The following GPSM1 variants were observed in gnomAD, a reference collection of about 807,000 sequenced individuals.
GPSM1 encodes G protein signaling modulator 1.
A neutral mutation model predicts 70.5 loss-of-function variants in GPSM1; 48 were observed. The observed-to-expected ratio is 0.68, with a 90% CI of 0.54 to 0.87. The LOEUF (loss-of-function observed/expected upper bound fraction) is 0.87. Ranked by LOEUF, GPSM1 falls within the 40% of genes least tolerant of loss-of-function variation. GPSM1 has a pLI of 0.00. For missense variants in GPSM1, 981 were observed against 972.6 expected (o/e 1.01, Z -0.11); for synonymous variants, 416 against 430.1 (o/e 0.97, Z 0.41).
In GPSM1 at chr9:136,339,715, A is replaced by G; in HGVS notation, c.983A>G (p.Glu328Gly). The change falls in exon 8 of 14, where the codon GAG becomes GGG. Residue 328 changes from glutamate (E) to glycine (G), a missense_variant. Glu to Gly is a moderately conservative substitution (Grantham distance 98). Transcript: ENST00000440944. ...IAQELADRVGEGRACWSLGNA... is the reference protein window; with the variant it reads ...IAQELADRVGGGRACWSLGNA... ...GTCTCCCTCTCTGGCAGAGTGGGCG[A>G]GGGCCGGGCGTGCTGGAGCCTGGGA... 6.5e-7 allele frequency: 1 copy of G among 1,549,254 alleles called. No individual in the cohort carries two copies. Among genetic ancestry groups the G allele is most frequent in the East Asian group, 2.4e-5 (1 of 40,956 alleles).
intron 2 of GPSM1, 132 bp from the exon 3 acceptor site, chr9:136,335,833 AG>A: frequency 1.1e-6 from 1 of 899,700 alleles, no homozygotes; most frequent in Non-Finnish European, 1.7e-6. Flanking sequence ...GTATCACCTC[AG>A]GGGTTGCAGG....
chr9:136,349,841 A>G (rs1216660501), intron 11 of GPSM1, 78 bp downstream of exon 11: 5 of 1,390,630 alleles, frequency 3.6e-6, no homozygotes, highest in Non-Finnish European at 4.8e-6. Context: ...CTGCCAGCCA[A>G]CGGGGCCAGG....
chr9:136,340,948 C>G lies in GPSM1; in HGVS notation c.1162C>G (p.Pro388Ala), dbSNP rs995874760. 1 of 1,564,056 alleles carries G rather than the reference C, an allele frequency of 6.4e-7. No homozygotes were observed. Among genetic ancestry groups the G allele is most frequent in the African/African-American group, 1.4e-5 (1 of 73,852 alleles). ...LQLVLGRLTSPAASEKPDLAG... is the reference protein window; with the variant it reads ...LQLVLGRLTSAAASEKPDLAG... ...GCTGGTGCTCGGCCGCCTGACCAGCCCGGCAGCCTCAGAGAAGCCTGACCT... is the reference window on the plus strand; with the variant it reads ...GCTGGTGCTCGGCCGCCTGACCAGCGCGGCAGCCTCAGAGAAGCCTGACCT... The change falls in exon 9 of 14, where the codon CCG (proline) becomes GCG (alanine). Residue 388 changes from proline to alanine, a missense_variant. Pro to Ala is a conservative substitution (Grantham distance 27). Coordinates refer to ENST00000440944, the MANE Select transcript of GPSM1 (RefSeq NM_001145638.3). This position sits in a 1 kb window ranked among gnomAD's most constrained non-coding sequence, Gnocchi z 7.3.
At chr9:136,357,543 A>C (rs540638426) in intron 13 of GPSM1, among the ~76,000 whole-genome samples, 1 of 152,222 alleles carries the variant, frequency 6.6e-6, no homozygotes, top group East Asian at 1.9e-4. Context: ...CACCTGACAC[A>C]AGGGGAAGCC....
rs374292241 is a variant in GPSM1, at chr9:136,338,657, C to T, written c.921C>T (p.Arg307=). The T allele has an allele frequency of 1.0e-5, 16 of 1,588,084 alleles. No individual in the cohort carries two copies. The highest frequency in any genetic ancestry group is 9.1e-5 in the East Asian group (4 of 43,896). The part of the protein sequence containing the change: ...NTYTLLQDYE[R]AAEYHLRHLL... ...ACACGCTGCTGCAGGACTACGAGCG[C>T]GCGGCCGAGTACCACCTGCGGCACC... The change falls in exon 7 of 14, where the codon CGC becomes CGT. Residue 307 remains arginine (R), a synonymous_variant. Coordinates refer to ENST00000440944, the MANE Select transcript of GPSM1 (RefSeq NM_001145638.3).
chr9:136,334,716 G>C (rs782522760), intron 2 of GPSM1, 48 bp downstream of exon 2: 5 of 1,507,622 alleles, frequency 3.3e-6, no homozygotes, highest in Middle Eastern at 2.3e-4. Flanking sequence ...GGCCCTGCTG[G>C]CGCGGTGAGT....
chr9:136,334,525 C>T lies in GPSM1; in HGVS notation c.147C>T (p.Ala49=), dbSNP rs1420160423. ...CKAGDFKTGV[A]FFEAAVQVGT... ...CGGGCGACTTCAAGACAGGCGTGGC[C>T]TTCTTTGAGGCTGCTGTGCAGGTGG... Residue 49 remains alanine (A), a synonymous_variant, in exon 2 of 14, where the codon GCC becomes GCT. Coordinates refer to ENST00000440944, the MANE Select transcript of GPSM1 (RefSeq NM_001145638.3). 12 of 1,613,260 alleles carry T rather than the reference C, an allele frequency of 7.4e-6. 1 individual carries two copies. The Admixed American group carries it at 1.8e-4, about 25-fold the overall frequency.
intron 7 of GPSM1, among the ~76,000 whole-genome samples, 188 bp from the exon 8 acceptor site, chr9:136,339,519 T>C (rs141083059): frequency 2.1e-3 from 321 of 152,334 alleles, no homozygotes; most frequent in South Asian, 0.016. Context: ...TGCTTGAAGG[T>C]GGCAGAATTT....
chr9:136,339,868 C>T lies in GPSM1; in HGVS notation c.1083+53C>T, dbSNP rs782810238. 3.7e-5 allele frequency: 41 copies of T among 1,119,052 alleles called. 1 individual carries two copies. Among genetic ancestry groups the T allele is most frequent in the South Asian group, 2.2e-4 (17 of 76,052 alleles). The allele number at this position is 1,119,052 out of a possible 1,614,324, so 69.3% of individuals were successfully genotyped here. ...CGGGCACTGCCCAGCCCACTCCAGA[C>T]GGGCCGGGTCCCCTCTGCCCCGAGC... On this transcript the variant is annotated intron_variant, in intron 8 of 13. Transcript: ENST00000440944.
chr9:136,338,309 G>A (rs933713680), intron 6 of GPSM1, among the ~76,000 whole-genome samples: 13 of 152,326 alleles, frequency 8.5e-5, no homozygotes, highest in African/African-American at 2.4e-4. Context: ...CAGGTCCTCC[G>A]GGGAGGAGTG....
intron 13 of GPSM1, 107 bp downstream of exon 13, chr9:136,356,657 C>A: frequency 1.3e-6 from 1 of 793,732 alleles, no homozygotes; most frequent in Non-Finnish European, 2.0e-6. Context: ...TCTGCCATCT[C>A]CGGTCATGTT....
At chr9:136,345,486 G>A (rs1248289690) in intron 9 of GPSM1, among the ~76,000 whole-genome samples, 3 of 152,214 alleles carry the variant, frequency 2.0e-5, no homozygotes, top group African/African-American at 7.2e-5. Context: ...CCATGAGGGC[G>A]CCCGCCCTGG....
intron 3 of GPSM1, 45 bp from the exon 4 acceptor site, chr9:136,336,876 G>A: frequency 6.6e-7 from 1 of 1,522,506 alleles, no homozygotes. Flanking sequence ...CACATCGTGT[G>A]GGGGGCCGTG....
chr9:136,337,779 C>A, intron 5 of GPSM1, 67 bp from the exon 6 acceptor site: 1 of 1,282,870 alleles, frequency 7.8e-7, no homozygotes. Flanking sequence ...GGGAGGCAGC[C>A]CCTGTCCGCC....
chr9:136,335,711 G>A (rs1832215828), intron 2 of GPSM1, among the ~76,000 whole-genome samples: 1 of 152,198 alleles, frequency 6.6e-6, no homozygotes, highest in Non-Finnish European at 1.5e-5. Context: ...TGGCACCTGT[G>A]TGCAGCCTGT....
chr9:136,350,461 C>CT (rs1832632683), intron 11 of GPSM1, among the ~76,000 whole-genome samples: 1 of 152,228 alleles, frequency 6.6e-6, no homozygotes, highest in South Asian at 2.1e-4. Context: ...TGGTCAGGCC[C>CT]TGGTGTGGAA....
rs1805139317 is a variant in GPSM1, at chr9:136,342,895, C to T, written c.1207+1902C>T. ...GTCGTCTGGAGGTGGGGCTTCAGCC[C>T]GGCGGGGACGCGGTGGGGCGTGGCC... On this transcript the variant is annotated intron_variant, in intron 9 of 13. Transcript: ENST00000440944. The surrounding 1 kb of genome is among the most constrained non-coding windows in gnomAD (Gnocchi z 5.5). Among the ~76,000 whole-genome samples, 1 of 139,976 alleles carries T rather than the reference C, an allele frequency of 7.1e-6. No individual in the cohort carries two copies. The highest frequency in any genetic ancestry group is 1.6e-5 in the Non-Finnish European group (1 of 62,986). The allele number at this position is 139,976 out of a possible 152,430, so 91.8% of individuals were successfully genotyped here.
At position 136,349,783 on chromosome 9, in the gene GPSM1, G is replaced by A; in HGVS notation, c.1455+20G>A. 5.8e-6 allele frequency: 9 copies of A among 1,549,618 alleles called. No homozygotes were observed. Among genetic ancestry groups the A allele is most frequent in the Non-Finnish European group, 7.8e-6 (9 of 1,147,070 alleles). On this transcript the variant is annotated intron_variant, in intron 11 of 13. Transcript: ENST00000440944. Reference sequence around the variant, plus strand: ...CGCACGGTAGGCGTCTTTGACGGCAGATCCAGGCCGAGAGGGAGGAGAGCT... The same window carrying A: ...CGCACGGTAGGCGTCTTTGACGGCAAATCCAGGCCGAGAGGGAGGAGAGCT...
chr9:136,353,118 G>A (rs1013796023), intron 11 of GPSM1: 47 of 985,072 alleles, frequency 4.8e-5, no homozygotes, highest in East Asian at 1.1e-4. Flanking sequence ...AGCACCCAGC[G>A]TGGCTCCCTG....
Sources: gnomAD v4.1 joint callset for allele counts (sites outside exome capture counted in the v4.1 genomes callset) on GRCh38, gnomAD v4.1.1 for gene constraint, Gnocchi (gnomAD v3.1) non-coding constraint, MANE v1.5 for transcripts, NCBI Gene and HGNC (gene_info 2026-07-23, HGNC 2026-07-21) for gene names.